The following CACNA2D3 variants were observed in gnomAD, a reference collection of about 807,000 sequenced individuals.
The protein encoded by CACNA2D3 is voltage-dependent calcium channel subunit alpha-2/delta-3.
A neutral mutation model predicts 160.6 loss-of-function variants in CACNA2D3; 60 were observed. That is an observed-to-expected ratio of 0.37 (90% confidence interval 0.30 to 0.46). The LOEUF is 0.46. CACNA2D3 is among the 20% of genes least tolerant of loss of function. CACNA2D3 has a pLI of 1.00. For synonymous variants in CACNA2D3, 558 were observed against 492.9 expected (o/e 1.13, Z -1.75); for missense variants, 1,205 against 1,365.0 (o/e 0.88, Z 1.85).
chr3:54,871,646 C>T lies in CACNA2D3; in HGVS notation c.1710+24C>T, dbSNP rs535280828. On this transcript the variant is annotated intron_variant, in intron 18 of 37. Coordinates refer to ENST00000474759, the MANE Select transcript of CACNA2D3 (RefSeq NM_018398.3). ...TGGTAAGTGATTTGTTTTCAGGCCT[C>T]GTGGAGAAGGACCTGCATTGTACCC... The T allele has an allele frequency of 5.0e-5, 78 of 1,559,436 alleles. No individual in the cohort carries two copies. The Middle Eastern group carries it at 6.7e-4, about 13-fold the overall frequency.
At chr3:54,851,236 G>A (rs1384046625) in intron 17 of CACNA2D3, among the ~76,000 whole-genome samples, 1 of 152,198 alleles carries the variant, frequency 6.6e-6, no homozygotes, top group Non-Finnish European at 1.5e-5. Flanking sequence ...GATATTATGT[G>A]CCTTGGAAAG....
intron 4 of CACNA2D3, among the ~76,000 whole-genome samples, chr3:54,475,773 A>G (rs879436345): frequency 2.2e-5 from 3 of 139,386 alleles, no homozygotes; most frequent in African/African-American, 7.8e-5. Flanking sequence ...CATATACATT[A>G]CAAATAACAT....
rs188947917 is a variant in CACNA2D3, at chr3:55,017,393, A to G, written c.2876-813A>G. ...TTATTGTCATCATTATAATGTCAAA[A>G]TGGCTTCATTAGAATGCTACCGTTA... is the stretch of plus-strand genomic sequence containing the variant. On this transcript the variant is annotated intron_variant, in intron 34 of 37. Transcript: ENST00000474759. 1.2e-3 allele frequency among the ~76,000 whole-genome samples: 176 copies of G among 152,266 alleles called. 1 individual carries two copies. Among genetic ancestry groups the G allele is most frequent in the African/African-American group, 4.0e-3 (168 of 41,544 alleles).
intron 13 of CACNA2D3, among the ~76,000 whole-genome samples, chr3:54,773,355 A>G (rs1364351255): frequency 1.3e-5 from 2 of 152,200 alleles, no homozygotes; most frequent in Non-Finnish European, 2.9e-5. Context: ...GTATTTTTCC[A>G]AGACACTGCT....
At chr3:55,062,475 T>C (rs1704538583) in intron 35 of CACNA2D3, among the ~76,000 whole-genome samples, 1 of 152,164 alleles carries the variant, frequency 6.6e-6, no homozygotes. Context: ...AGGAGGTCTC[T>C]GCCTTGCTCT....
chr3:54,467,279 C>T (rs545660723), intron 4 of CACNA2D3, among the ~76,000 whole-genome samples: 1 of 152,316 alleles, frequency 6.6e-6, no homozygotes, highest in African/African-American at 2.4e-5. Context: ...CCCACATGGG[C>T]TCCCTTCTGT....
At chr3:54,288,355 C>T (rs907309277) in intron 2 of CACNA2D3, among the ~76,000 whole-genome samples, 2 of 152,152 alleles carry the variant, frequency 1.3e-5, no homozygotes, top group African/African-American at 4.8e-5. Context: ...CACATACACC[C>T]TCCCAAGACT....
chr3:54,617,854 C>A (rs1421543195), intron 9 of CACNA2D3, among the ~76,000 whole-genome samples: 1 of 152,016 alleles, frequency 6.6e-6, no homozygotes, highest in Non-Finnish European at 1.5e-5. Flanking sequence ...GAGGCCACCA[C>A]TGGGTCCCCT....
intron 4 of CACNA2D3, among the ~76,000 whole-genome samples, chr3:54,485,235 A>G (rs1268842043): frequency 6.6e-6 from 1 of 152,214 alleles, no homozygotes; most frequent in Non-Finnish European, 1.5e-5. Context: ...GGTTATCATC[A>G]TGCTTGAAGT....
intron 2 of CACNA2D3, among the ~76,000 whole-genome samples, chr3:54,202,484 ATACT>A (rs1701197780): frequency 6.6e-6 from 1 of 152,202 alleles, no homozygotes; most frequent in Non-Finnish European, 1.5e-5. Context: ...CCCATTCCTT[ATACT>A]GTGAGTTGAT....
intron 2 of CACNA2D3, among the ~76,000 whole-genome samples, chr3:54,246,719 C>T (rs1575341568): frequency 7.3e-6 from 1 of 137,796 alleles, no homozygotes; most frequent in East Asian, 2.0e-4. Context: ...AGAGAAACTC[C>T]ATCTCAAAAA....
chr3:54,296,933 C>G (rs961065302), intron 2 of CACNA2D3, among the ~76,000 whole-genome samples: 5 of 152,176 alleles, frequency 3.3e-5, no homozygotes, highest in African/African-American at 1.2e-4. Context: ...GGGATGAACT[C>G]AGCGTCTTTG....
intron 11 of CACNA2D3, among the ~76,000 whole-genome samples, chr3:54,749,378 G>A (rs1292029751): frequency 6.6e-6 from 1 of 152,166 alleles, no homozygotes; most frequent in East Asian, 1.9e-4. Context: ...TAATGAAGGT[G>A]AACATCCTTG....
At chr3:54,611,946 G>C (rs1427016795) in intron 9 of CACNA2D3, among the ~76,000 whole-genome samples, 1 of 152,110 alleles carries the variant, frequency 6.6e-6, no homozygotes, top group Non-Finnish European at 1.5e-5. Flanking sequence ...ACTTATTCCT[G>C]GTGCTGTACA....
intron 2 of CACNA2D3, among the ~76,000 whole-genome samples, chr3:54,143,590 C>T (rs1026029661): frequency 6.6e-6 from 1 of 152,160 alleles, no homozygotes; most frequent in Non-Finnish European, 1.5e-5. Context: ...AGCTCTGACT[C>T]CCGGGTTCAC....
chr3:55,033,834 A>G lies in CACNA2D3; in HGVS notation c.2987+15517A>G, dbSNP rs71308061. ...ATTATATATTAAATATATTTAATAT[A>G]TAATATATATTACATATTAAATATA... On this transcript the variant is annotated intron_variant, in intron 35 of 37. Transcript: ENST00000474759. 3.5e-3 allele frequency among the ~76,000 whole-genome samples: 316 copies of G among 91,506 alleles called. 8 individuals carry two copies. The highest frequency in any genetic ancestry group is 0.014 in the African/African-American group (242 of 17,400). 60.0% of individuals were successfully genotyped at this position (91,506 alleles called of 152,430 possible).
intron 11 of CACNA2D3, among the ~76,000 whole-genome samples, chr3:54,672,829 G>A (rs1245339225): frequency 1.3e-5 from 2 of 152,214 alleles, no homozygotes; most frequent in East Asian, 3.8e-4. Context: ...GATAGTGCCT[G>A]TAAGCCCATA....
chr3:55,073,488 G>A lies in CACNA2D3; in HGVS notation c.3031G>A (p.Val1011Met). ...QQIPSSNLFM[V>M]VVDSSCLCES... is the part of the protein sequence containing the mutation. Reference sequence around the variant, plus strand: ...AATCCCAAGCAGCAACCTGTTCATGGTGGTGGTGGACAGCAGCTGCCTCTG... The same window carrying A: ...AATCCCAAGCAGCAACCTGTTCATGATGGTGGTGGACAGCAGCTGCCTCTG... The change falls in exon 36 of 38, where the codon GTG (valine) becomes ATG (methionine). Residue 1011 changes from valine (V) to methionine (M), a missense_variant. Coordinates refer to ENST00000474759, the MANE Select transcript of CACNA2D3 (RefSeq NM_018398.3). 6.2e-7 allele frequency: 1 copy of A among 1,613,754 alleles called. No individual in the cohort carries two copies. Among genetic ancestry groups the A allele is most frequent in the South Asian group, 1.1e-5 (1 of 91,072 alleles).
intron 4 of CACNA2D3, among the ~76,000 whole-genome samples, chr3:54,458,743 T>A (rs1700444039): frequency 6.6e-6 from 1 of 151,414 alleles, no homozygotes; most frequent in African/African-American, 2.4e-5. Flanking sequence ...AAACTGTTAT[T>A]TCCTTAAATA....
Sources: gnomAD v4.1 joint callset for allele counts (sites outside exome capture counted in the v4.1 genomes callset) on GRCh38, gnomAD v4.1.1 for gene constraint, MANE v1.5 for transcripts, NCBI Gene and HGNC (gene_info 2026-07-23, HGNC 2026-07-21) for gene names.